The following PDE1A variants were observed in gnomAD, a reference collection of about 807,000 sequenced individuals.
PDE1A encodes the protein phosphodiesterase 1A, also known as dual specificity calcium/calmodulin-dependent 3',5'-cyclic nucleotide phosphodiesterase 1A.
Under a neutral mutation model 61.7 loss-of-function variants are expected in PDE1A, and 35 were observed. The observed-to-expected ratio is 0.57, with a 90% CI of 0.43 to 0.75. PDE1A has a LOEUF of 0.75. Among genes scored for constraint, PDE1A ranks in the 30% least tolerant of loss-of-function variants. The probability of loss-of-function intolerance (pLI) is 0.00; values close to 1 mark genes in which losing one functional copy is unlikely to be tolerated. For synonymous variants in PDE1A, 232 were observed against 213.2 expected (o/e 1.09, Z -0.77); for missense variants, 597 against 630.6 (o/e 0.95, Z 0.57).
intron 13 of PDE1A, among the ~76,000 whole-genome samples, chr2:182,171,500 T>G (rs930625080): frequency 3.3e-5 from 5 of 151,750 alleles, no homozygotes; most frequent in Non-Finnish European, 5.9e-5. Flanking sequence ...AGAAGAGAGA[T>G]AGATAGAGAC....
At chr2:182,208,584 C>G (rs1190375929) in intron 7 of PDE1A, among the ~76,000 whole-genome samples, 1 of 152,180 alleles carries the variant, frequency 6.6e-6, no homozygotes, top group African/African-American at 2.4e-5. Context: ...AATCTACCGA[C>G]AGCTTGCACT....
downstream of PDE1A, chr2:182,142,392 A>G (rs1173146313): frequency 6.6e-6 from 1 of 152,144 alleles, no homozygotes; most frequent in Non-Finnish European, 1.5e-5. Flanking sequence ...GGGTTCAGAA[A>G]AAGGTTTCAC....
At chr2:182,626,964 T>C in the PDE1A span, among the ~76,000 whole-genome samples, 1 of 108,430 alleles carries the variant, frequency 9.2e-6, no homozygotes, top group Non-Finnish European at 1.8e-5. Context: ...GCAATTGCCT[T>C]TGAGAAAAAA....
At chr2:182,358,238 CT>C (rs1699305927) in intron 1 of PDE1A, among the ~76,000 whole-genome samples, 1 of 152,008 alleles carries the variant, frequency 6.6e-6, no homozygotes, top group Non-Finnish European at 1.5e-5. Flanking sequence ...TGATTCTAAT[CT>C]TCCTTTCCAT....
At chr2:182,466,573 A>C (rs1686683890) in intron 2 of PDE1A, among the ~76,000 whole-genome samples, 2 of 152,014 alleles carry the variant, frequency 1.3e-5, no homozygotes. Context: ...AGAGGTGAGG[A>C]TGGAAACAGT....
At chr2:182,470,546 T>C (rs1686960815) in intron 2 of PDE1A, among the ~76,000 whole-genome samples, 1 of 151,810 alleles carries the variant, frequency 6.6e-6, no homozygotes, top group African/African-American at 2.4e-5. Flanking sequence ...GAAATTTCAA[T>C]AAAGATATGA....
chr2:182,505,604 G>A (rs969247141), intron 2 of PDE1A, among the ~76,000 whole-genome samples: 1 of 152,090 alleles, frequency 6.6e-6, no homozygotes, highest in Non-Finnish European at 1.5e-5. Flanking sequence ...GCCTCAGCTG[G>A]AGTGGTTTAT....
chr2:182,682,508 G>A, the PDE1A span, among the ~76,000 whole-genome samples: 36 of 152,146 alleles, frequency 2.4e-4, no homozygotes, highest in East Asian at 3.3e-3. Flanking sequence ...ATACTATCTG[G>A]GACTCCTGAG....
At chr2:182,311,680 A>AT (rs1047810869) in intron 1 of PDE1A, among the ~76,000 whole-genome samples, 7 of 150,428 alleles carry the variant, frequency 4.7e-5, no homozygotes, top group East Asian at 2.0e-4. Flanking sequence ...GCTGAGTACT[A>AT]TTTTTTTTTG....
At chr2:182,393,224 C>T (rs985178147) in intron 1 of PDE1A, among the ~76,000 whole-genome samples, 25 of 152,214 alleles carry the variant, frequency 1.6e-4, no homozygotes, top group African/African-American at 4.6e-4. Flanking sequence ...TGCAGCCACA[C>T]GCCCAACACC....
chr2:182,269,701 T>A (rs1275320344), intron 1 of PDE1A, among the ~76,000 whole-genome samples: 1 of 152,014 alleles, frequency 6.6e-6, no homozygotes, highest in Non-Finnish European at 1.5e-5. Context: ...ATCCTAATAG[T>A]GACAGAAAGT....
chr2:182,158,980 C>T (rs1470376601), intron 13 of PDE1A, among the ~76,000 whole-genome samples: 1 of 152,032 alleles, frequency 6.6e-6, no homozygotes. Context: ...CTATCATTAA[C>T]AAGAGAAAGT....
the PDE1A span, among the ~76,000 whole-genome samples, chr2:182,626,574 T>C: frequency 6.6e-6 from 1 of 150,606 alleles, no homozygotes; most frequent in Admixed American, 6.7e-5. Context: ...ACTCCCTTCA[T>C]TCTGGAGAAC....
intron 1 of PDE1A, among the ~76,000 whole-genome samples, chr2:182,383,995 C>T (rs1308731237): frequency 6.6e-6 from 1 of 152,166 alleles, no homozygotes; most frequent in Admixed American, 6.5e-5. Flanking sequence ...GCCTTGGTGC[C>T]ATATTGGAGC....
At chr2:182,271,131 G>T (rs185569982) in intron 1 of PDE1A, among the ~76,000 whole-genome samples, 199 of 148,998 alleles carry the variant, frequency 1.3e-3, no homozygotes, top group East Asian at 2.0e-3. Flanking sequence ...TAATAATATT[G>T]CATTGTACAC....
chr2:182,526,662 T>C (rs1252461258), upstream of PDE1A, among the ~76,000 whole-genome samples: 1 of 152,230 alleles, frequency 6.6e-6, no homozygotes, highest in Non-Finnish European at 1.5e-5. Flanking sequence ...CAGCTTTGTC[T>C]GAGAAACAGC....
intron 1 of PDE1A, among the ~76,000 whole-genome samples, chr2:182,368,907 T>C (rs1445127136): frequency 6.6e-6 from 1 of 152,218 alleles, no homozygotes; most frequent in Non-Finnish European, 1.5e-5. Context: ...CATTATTATT[T>C]CAAGATTTAT....
intron 8 of PDE1A, among the ~76,000 whole-genome samples, chr2:182,203,599 C>T (rs1315883027): frequency 6.6e-6 from 1 of 152,096 alleles, no homozygotes; most frequent in Admixed American, 6.6e-5. Context: ...TCAATAGAAT[C>T]TAATAAGTAT....
chr2:182,388,332 GAT>G (rs1406210668), intron 1 of PDE1A, among the ~76,000 whole-genome samples: 4 of 152,178 alleles, frequency 2.6e-5, no homozygotes, highest in Admixed American at 6.5e-5. Flanking sequence ...AGGCATAACA[GAT>G]ATATACAGAA....
Sources: gnomAD v4.1 joint callset for allele counts (sites outside exome capture counted in the v4.1 genomes callset) on GRCh38, gnomAD v4.1.1 for gene constraint, MANE v1.5 for transcripts, NCBI Gene and HGNC (gene_info 2026-07-23, HGNC 2026-07-21) for gene names.